PLEKHM2: variants seen among roughly 807,000 people sequenced by gnomAD.
PLEKHM2 encodes pleckstrin homology domain-containing family M member 2.
In PLEKHM2, 77 loss-of-function variants were observed where a neutral mutation model predicts 116.3. That is an observed-to-expected ratio of 0.66 (90% CI 0.55 to 0.80). The LOEUF (loss-of-function observed/expected upper bound fraction) is 0.80. PLEKHM2 is among the 30% of genes least tolerant of loss of function. PLEKHM2 has a pLI of 0.00. For synonymous variants in PLEKHM2, 562 were observed against 571.0 expected, an observed-to-expected ratio of 0.98 and a Z score of 0.22; for missense variants, 1,183 against 1,354.9, an observed-to-expected ratio of 0.87 and a Z score of 1.99.
At chr1:15,708,561 G>A in intron 1 of PLEKHM2, among the ~76,000 whole-genome samples, 1 of 152,156 alleles carries the variant, frequency 6.6e-6, no homozygotes, top group Non-Finnish European at 1.5e-5. Context: ...CGTATTAGGA[G>A]GGGATTTAAA....
At chr1:15,684,909 C>CGGG (rs1481043991) in intron 1 of PLEKHM2, among the ~76,000 whole-genome samples, 9 of 152,150 alleles carry the variant, frequency 5.9e-5, no homozygotes, top group Admixed American at 5.2e-4. Context: ...TCCGGTCCCC[C>CGGG]ACTGGGGCAG....
At position 15,718,574 on chromosome 1, in the gene PLEKHM2, C is replaced by T; in HGVS notation, c.414C>T (p.Leu138=). ...TCTGCAGCCACGATCACCTGACGCT[C>T]TTCCTGACCTTGGTGTCCGGGCTAG... is the stretch of plus-strand genomic sequence containing the variant. ...ALVCSHDHLT[L]FLTLVSGLEF... Residue 138 remains leucine, a synonymous_variant, in exon 5 of 20, where the codon CTC becomes CTT. Transcript: ENST00000375799. 4 of 1,576,676 alleles carry T rather than the reference C, an allele frequency of 2.5e-6. No homozygotes were observed. Among genetic ancestry groups the T allele is most frequent in the Non-Finnish European group, 3.4e-6 (4 of 1,159,506 alleles).
In PLEKHM2 at chr1:15,730,245, C is replaced by A. The variant is rs6672142; in HGVS notation, c.2209-287C>A. 0.26 allele frequency among the ~76,000 whole-genome samples: 39,813 copies of A among 152,092 alleles called. 5,783 individuals are homozygous for A. Among genetic ancestry groups the A allele is most frequent in the African/African-American group, 0.39 (16,270 of 41,484 alleles). On this transcript the variant is annotated intron_variant, in intron 14 of 19. Transcript: ENST00000375799. The stretch of plus-strand genomic sequence containing the variant: ...CACCTGAGGTCAGGAGTTCGAGACC[C>A]GCCTCGCCAACATGGCAAAACCCCG...
chr1:15,708,544 C>T (rs777496620), intron 1 of PLEKHM2, among the ~76,000 whole-genome samples: 9 of 152,130 alleles, frequency 5.9e-5, no homozygotes, highest in Non-Finnish European at 1.2e-4. Context: ...CTTGGATTCC[C>T]CTAAAACGTA....
chr1:15,720,284 G>A (rs1191453551), intron 6 of PLEKHM2: 1 of 961,098 alleles, frequency 1.0e-6, no homozygotes, highest in Non-Finnish European at 1.2e-6. Flanking sequence ...GCCTGTTCTG[G>A]GGAGCTTGTC....
chr1:15,705,286 C>T (rs2148345827), intron 1 of PLEKHM2, among the ~76,000 whole-genome samples: 1 of 143,742 alleles, frequency 7.0e-6, no homozygotes, highest in African/African-American at 2.6e-5. Flanking sequence ...TCAAGCGATT[C>T]TCCTACTTCA....
intron 1 of PLEKHM2, among the ~76,000 whole-genome samples, chr1:15,699,268 G>A (rs983393362): frequency 2.0e-5 from 3 of 152,114 alleles, no homozygotes; most frequent in African/African-American, 7.2e-5. Flanking sequence ...AGGTGTACAT[G>A]TGCCATGTTG....
At chr1:15,703,886 G>A (rs1325261100) in intron 1 of PLEKHM2, among the ~76,000 whole-genome samples, 3 of 152,146 alleles carry the variant, frequency 2.0e-5, no homozygotes, top group South Asian at 2.1e-4. Context: ...AGCTTTTCCC[G>A]GCCCTGGTGC....
In PLEKHM2 at chr1:15,719,712, G is replaced by T. The variant is rs2067962824; in HGVS notation, c.466-22G>T. 6.3e-7 allele frequency: 1 copy of T among 1,582,764 alleles called. No individual in the cohort carries two copies. Among genetic ancestry groups the T allele is most frequent in the African/African-American group, 1.3e-5 (1 of 74,336 alleles). On this transcript the variant is annotated intron_variant, in intron 5 of 19. Coordinates refer to ENST00000375799, the MANE Select transcript of PLEKHM2 (RefSeq NM_015164.4). This position sits in a 1 kb window ranked among gnomAD's most constrained non-coding sequence, Gnocchi z 4.1. ...CTGCACGAGGCCTCCCACCAAACGG[G>T]CCTCCTCTACTCTCTCCTCAGGATG... is the stretch of plus-strand genomic sequence containing the variant.
intron 19 of PLEKHM2, 59 bp downstream of exon 19, chr1:15,732,787 C>T: frequency 2.6e-6 from 3 of 1,148,130 alleles, no homozygotes; most frequent in Non-Finnish European, 3.8e-6. Context: ...GAGCCACTCC[C>T]CGGGGAGAGG....
chr1:15,706,608 C>G (rs1043575203), intron 1 of PLEKHM2, among the ~76,000 whole-genome samples: 2 of 151,992 alleles, frequency 1.3e-5, no homozygotes, highest in African/African-American at 4.8e-5. Context: ...GGTTTCACCA[C>G]GTTGGTCAGG....
At chr1:15,712,997 C>T (rs916781263) in intron 1 of PLEKHM2, among the ~76,000 whole-genome samples, 1 of 152,148 alleles carries the variant, frequency 6.6e-6, no homozygotes, top group Non-Finnish European at 1.5e-5. Flanking sequence ...GACGGGGTTT[C>T]ACCATGTTAG....
chr1:15,683,684 G>A (rs769675149), upstream of PLEKHM2, among the ~76,000 whole-genome samples: 18 of 151,196 alleles, frequency 1.2e-4, no homozygotes, highest in Non-Finnish European at 2.5e-4. Context: ...AGGAGGGCTG[G>A]GGGCCCAGGG....
intron 18 of PLEKHM2, 23 bp downstream of exon 18, chr1:15,732,552 G>A (rs375669684): frequency 1.4e-5 from 23 of 1,606,448 alleles, no homozygotes; most frequent in East Asian, 2.2e-5. Flanking sequence ...TGGGGGCGGG[G>A]CTGCAAGGCC....
At chr1:15,683,638 G>A (rs1640692696), upstream of PLEKHM2, among the ~76,000 whole-genome samples, 1 of 150,978 alleles carries the variant, frequency 6.6e-6, no homozygotes, top group Admixed American at 6.6e-5. Flanking sequence ...GGGTCTCTGG[G>A]GAGGGCCAGT....
Position 15,728,612 on chromosome 1 carries a change from CA to C in PLEKHM2, c.1922-56del. The stretch of plus-strand genomic sequence containing the variant: ...GGGGGCTGTGTCTAAGAAAATGGGG[CA>C]GGGGGAGGGAAAAGAGGCCTGTGGG... On this transcript the variant is annotated intron_variant, in intron 11 of 19. Coordinates refer to ENST00000375799, the MANE Select transcript of PLEKHM2 (RefSeq NM_015164.4). This position sits in a 1 kb window ranked among gnomAD's most constrained non-coding sequence, Gnocchi z 5.9. 2 of 1,452,716 alleles carry C rather than the reference CA, an allele frequency of 1.4e-6. No individual in the cohort carries two copies. The highest frequency in any genetic ancestry group is 1.9e-6 in the Non-Finnish European group (2 of 1,050,842). The allele number at this position is 1,452,716 out of a possible 1,614,324, so 90.0% of individuals were successfully genotyped here. A position where few individuals can be genotyped will look rare whatever the true frequency, so the allele number is the denominator to read the frequency against.
At chr1:15,726,269 G>A (rs2068062407) in intron 8 of PLEKHM2, among the ~76,000 whole-genome samples, 1 of 152,232 alleles carries the variant, frequency 6.6e-6, no homozygotes, top group Admixed American at 6.5e-5. Context: ...GACATGGAAA[G>A]GAAGGACATG....
chr1:15,688,119 C>T (rs923146615), intron 1 of PLEKHM2, among the ~76,000 whole-genome samples: 1 of 152,162 alleles, frequency 6.6e-6, no homozygotes, highest in Non-Finnish European at 1.5e-5. Flanking sequence ...CCAGAGGGCC[C>T]CTCGTTCCCC....
chr1:15,688,153 C>T (rs79763681), intron 1 of PLEKHM2, among the ~76,000 whole-genome samples: 264 of 152,298 alleles, frequency 1.7e-3, no homozygotes, highest in Admixed American at 2.6e-3. Flanking sequence ...ACCCTCAAAG[C>T]AACCACTATC....
Sources: gnomAD v4.1 joint callset for allele counts (sites outside exome capture counted in the v4.1 genomes callset) on GRCh38, gnomAD v4.1.1 for gene constraint, Gnocchi (gnomAD v3.1) non-coding constraint, MANE v1.5 for transcripts, NCBI Gene and HGNC (gene_info 2026-07-23, HGNC 2026-07-21) for gene names.